The following CLNK variants were observed in gnomAD, a reference collection of about 807,000 sequenced individuals.
CLNK encodes cytokine-dependent hematopoietic cell linker.
CLNK carries 74 observed loss-of-function variants against 68.6 expected under a neutral mutation model. The observed-to-expected ratio is 1.08, with a 90% confidence interval of 0.89 to 1.31. CLNK has a LOEUF of 1.31. CLNK is among the 50% of genes most tolerant of loss of function. CLNK has a pLI of 0.00. For missense variants in CLNK, 553 were observed against 515.3 expected (o/e 1.07, Z -0.71); for synonymous variants, 198 against 172.2 (o/e 1.15, Z -1.17).
intron 1 of CLNK, among the ~76,000 whole-genome samples, chr4:10,674,851 T>C (rs1724807648): frequency 6.6e-6 from 1 of 152,184 alleles, no homozygotes. Context: ...TAAGAACATG[T>C]GGTGTTTGGT....
intron 8 of CLNK, among the ~76,000 whole-genome samples, chr4:10,553,844 C>A (rs1697530202): frequency 6.6e-6 from 1 of 152,170 alleles, no homozygotes; most frequent in Admixed American, 6.5e-5. Context: ...TTCATTGTGT[C>A]TTACAGCAAG....
At chr4:10,692,449 CATGGTCTCCTTGAACGCGA>C in the CLNK span, among the ~76,000 whole-genome samples, 1 of 152,188 alleles carries the variant, frequency 6.6e-6, no homozygotes, top group Non-Finnish European at 1.5e-5. Context: ...TGCACAGCTT[CATGGTCTCCTTGAACGCGA>C]ACGCTCTGAG....
chr4:10,562,162 G>A (rs1288806989), intron 7 of CLNK, among the ~76,000 whole-genome samples: 2 of 143,722 alleles, frequency 1.4e-5, no homozygotes, highest in Non-Finnish European at 3.0e-5. Context: ...GTGCAGTGGT[G>A]CTATCTCAGC....
the CLNK span, among the ~76,000 whole-genome samples, chr4:10,695,881 G>A: frequency 6.6e-6 from 1 of 150,672 alleles, no homozygotes; most frequent in African/African-American, 2.4e-5. Context: ...TTTTTGACAG[G>A]GTCTTGCTCT....
chr4:10,719,109 C>G, the CLNK span, among the ~76,000 whole-genome samples: 1 of 151,854 alleles, frequency 6.6e-6, no homozygotes, highest in Non-Finnish European at 1.5e-5. Context: ...AAATAACACA[C>G]AGGAAGGCAG....
At chr4:10,628,818 C>T (rs1422259806) in intron 2 of CLNK, among the ~76,000 whole-genome samples, 1 of 152,190 alleles carries the variant, frequency 6.6e-6, no homozygotes, top group Non-Finnish European at 1.5e-5. Flanking sequence ...CTTTGTCTGC[C>T]TAAAGTCCAG....
intron 1 of CLNK, among the ~76,000 whole-genome samples, chr4:10,678,581 A>T (rs1338543378): frequency 6.6e-6 from 1 of 152,176 alleles, no homozygotes; most frequent in Non-Finnish European, 1.5e-5. Flanking sequence ...TTTCTGTAGA[A>T]ATCACCTTAA....
chr4:10,573,179 C>T (rs1295114952), intron 4 of CLNK, among the ~76,000 whole-genome samples: 1 of 152,066 alleles, frequency 6.6e-6, no homozygotes, highest in East Asian at 1.9e-4. Flanking sequence ...CCTATCTTAC[C>T]AAAATATGAA....
chr4:10,636,265 G>C (rs7442414), intron 2 of CLNK, among the ~76,000 whole-genome samples: 48,389 of 151,876 alleles, frequency 0.32, 8,701 homozygotes, highest in African/African-American at 0.49. Context: ...AATATGACTT[G>C]TATCTTTATA....
At chr4:10,638,377 A>G (rs1723178607) in intron 2 of CLNK, among the ~76,000 whole-genome samples, 1 of 152,252 alleles carries the variant, frequency 6.6e-6, no homozygotes, top group African/African-American at 2.4e-5. Context: ...ATGCACATGA[A>G]CAGCCTTAGG....
At chr4:10,617,191 C>A (rs146531080) in intron 2 of CLNK, among the ~76,000 whole-genome samples, 129 of 152,244 alleles carry the variant, frequency 8.5e-4, no homozygotes, top group Non-Finnish European at 1.4e-3. Flanking sequence ...CCTCCCCTCC[C>A]CATCCCAATG....
At chr4:10,504,463 T>G (rs528128023) in intron 17 of CLNK, among the ~76,000 whole-genome samples, 1 of 152,304 alleles carries the variant, frequency 6.6e-6, no homozygotes, top group South Asian at 2.1e-4. Context: ...TGGAAAAATT[T>G]TAGTCTCATT....
chr4:10,551,052 C>T (rs1248866566), intron 8 of CLNK, among the ~76,000 whole-genome samples: 1 of 152,118 alleles, frequency 6.6e-6, no homozygotes. Context: ...AGGATTTCAT[C>T]GTGCCGCTCA....
chr4:10,657,836 G>T (rs566823857), intron 2 of CLNK, among the ~76,000 whole-genome samples: 1 of 152,178 alleles, frequency 6.6e-6, no homozygotes, highest in African/African-American at 2.4e-5. Flanking sequence ...CCAATCGAGA[G>T]ATATGAAAAA....
At chr4:10,644,261 T>A (rs1420474328) in intron 2 of CLNK, among the ~76,000 whole-genome samples, 1 of 152,204 alleles carries the variant, frequency 6.6e-6, no homozygotes, top group Non-Finnish European at 1.5e-5. Flanking sequence ...GCTTTGCTTG[T>A]CTTGGTTATT....
the CLNK span, among the ~76,000 whole-genome samples, chr4:10,699,513 T>G: frequency 8.1e-5 from 5 of 62,064 alleles, no homozygotes; most frequent in South Asian, 1.3e-3. Context: ...TATATATATA[T>G]TTTTTTTTTT....
chr4:10,672,544 T>C lies in CLNK; in HGVS notation c.-42-4633A>G, dbSNP rs77719907. Among the ~76,000 whole-genome samples the C allele has an allele frequency of 1.6e-3, 251 of 152,290 alleles. 8 individuals carry two copies. In the East Asian group the frequency reaches 0.045, roughly 27 times the overall value. ...ATGCCTTATATCACTTTAAGTGCCT[T>C]AAAGTGGCACTTAGTTAGAAATGAA... On this transcript the variant is annotated intron_variant, in intron 1 of 18. Coordinates refer to ENST00000226951, the MANE Select transcript of CLNK (RefSeq NM_052964.4).
intron 1 of CLNK, among the ~76,000 whole-genome samples, chr4:10,680,562 T>G (rs959407553): frequency 2.0e-5 from 3 of 152,002 alleles, no homozygotes; most frequent in Non-Finnish European, 2.9e-5. Flanking sequence ...GCCAAGAATC[T>G]AAGGAAGGTT....
intron 2 of CLNK, among the ~76,000 whole-genome samples, chr4:10,602,030 C>T (rs565136684): frequency 1.3e-4 from 20 of 152,190 alleles, no homozygotes; most frequent in Non-Finnish European, 2.2e-4. Flanking sequence ...CAGAGCACAT[C>T]GCCCCACACA....
Sources: allele counts gnomAD v4.1 joint callset (sites outside exome capture counted in the v4.1 genomes callset), GRCh38; gene constraint gnomAD v4.1.1; transcripts MANE v1.5; gene names NCBI Gene and HGNC (gene_info 2026-07-23, HGNC 2026-07-21).